The following ROBO2 variants were observed in gnomAD, a reference collection of about 807,000 sequenced individuals.
The protein encoded by ROBO2 is roundabout guidance receptor 2, also known as roundabout homolog 2.
A neutral mutation model predicts 160.8 loss-of-function variants in ROBO2; 53 were observed. That is an observed-to-expected ratio of 0.33 (90% confidence interval 0.26 to 0.41). The LOEUF (loss-of-function observed/expected upper bound fraction) is 0.41, where lower values mean the gene tolerates loss of function less well. ROBO2 is among the 10% of genes least tolerant of loss of function. The pLI, the probability that ROBO2 is intolerant of heterozygous loss-of-function variation, is 1.00. For synonymous variants in ROBO2, 664 were observed against 611.7 expected, an observed-to-expected ratio of 1.09 and a Z score of -1.26; for missense variants, 1,577 against 1,722.4, an observed-to-expected ratio of 0.92 and a Z score of 1.49.
chr3:76,567,619 T>TGA (rs2084611319), intron 2 of ROBO2, among the ~76,000 whole-genome samples: 1 of 27,750 alleles, frequency 3.6e-5, no homozygotes, highest in African/African-American at 9.1e-5. Context: ...ACCAAACTAC[T>TGA]GATATATATA....
At chr3:77,471,959 G>T (rs1360881451) in intron 2 of ROBO2, among the ~76,000 whole-genome samples, 1 of 152,128 alleles carries the variant, frequency 6.6e-6, no homozygotes, top group Non-Finnish European at 1.5e-5. Flanking sequence ...TCTGAGAAAG[G>T]AATTAATTGA....
intron 2 of ROBO2, among the ~76,000 whole-genome samples, chr3:76,175,235 T>C (rs2073188088): frequency 6.6e-6 from 1 of 152,036 alleles, no homozygotes; most frequent in South Asian, 2.1e-4. Flanking sequence ...TTGCTGAAGT[T>C]GTTTATCAGC....
chr3:77,273,036 T>C (rs1451855838), intron 2 of ROBO2, among the ~76,000 whole-genome samples: 1 of 152,176 alleles, frequency 6.6e-6, no homozygotes, highest in Non-Finnish European at 1.5e-5. Context: ...ACAATGAAGT[T>C]TGGGTATGAA....
intron 2 of ROBO2, among the ~76,000 whole-genome samples, chr3:76,915,092 A>T (rs1283071199): frequency 2.0e-5 from 3 of 152,040 alleles, no homozygotes; most frequent in Admixed American, 2.0e-4. Context: ...TCTTTATAAC[A>T]TTTTCATAAC....
At chr3:76,479,984 C>T (rs1252426836) in intron 2 of ROBO2, among the ~76,000 whole-genome samples, 1 of 151,316 alleles carries the variant, frequency 6.6e-6, no homozygotes, top group Non-Finnish European at 1.5e-5. Context: ...TGGACAGAGC[C>T]AAAATAAAGA....
chr3:77,369,255 C>T (rs2071397065), intron 2 of ROBO2, among the ~76,000 whole-genome samples: 1 of 152,114 alleles, frequency 6.6e-6, no homozygotes, highest in African/African-American at 2.4e-5. Context: ...AAGTGAGGTG[C>T]CTTGGGGGCA....
At chr3:76,783,037 G>C (rs1460588753) in intron 2 of ROBO2, among the ~76,000 whole-genome samples, 1 of 149,716 alleles carries the variant, frequency 6.7e-6, no homozygotes, top group East Asian at 2.0e-4. Flanking sequence ...TATCTTTTAT[G>C]TATCTAACAT....
intron 2 of ROBO2, among the ~76,000 whole-genome samples, chr3:77,154,174 C>T (rs1032213044): frequency 4.6e-5 from 7 of 152,116 alleles, no homozygotes; most frequent in East Asian, 1.9e-4. Flanking sequence ...TCCCCTAATG[C>T]ACTTCCACTT....
At chr3:76,511,860 C>T (rs1050294078) in intron 2 of ROBO2, among the ~76,000 whole-genome samples, 7 of 152,164 alleles carry the variant, frequency 4.6e-5, no homozygotes, top group African/African-American at 1.7e-4. Context: ...AAGTGGGTAT[C>T]ACAGGAGTTT....
In ROBO2 at chr3:77,006,380, G is replaced by T. The variant is rs149967230; in HGVS notation, c.110-91634G>T. On this transcript the variant is annotated intron_variant, in intron 2 of 26. Coordinates refer to the ROBO2 transcript ENST00000487694. ...TCTGATTTAGAAATCCCCTTGAAAA[G>T]TTCTGATGTACATGCAGGTTTAGGG... 1.4e-3 allele frequency among the ~76,000 whole-genome samples: 206 copies of T among 150,010 alleles called. 1 individual carries two copies. Among genetic ancestry groups the T allele is most frequent in the Middle Eastern group, 3.4e-3 (1 of 294 alleles).
chr3:76,325,166 T>C (rs575781465), intron 2 of ROBO2, among the ~76,000 whole-genome samples: 1 of 152,232 alleles, frequency 6.6e-6, no homozygotes, highest in Non-Finnish European at 1.5e-5. Flanking sequence ...TAAAATATTT[T>C]TAAATGCAAC....
intron 2 of ROBO2, among the ~76,000 whole-genome samples, chr3:77,241,550 T>C (rs575650230): frequency 6.6e-6 from 1 of 152,302 alleles, no homozygotes. Flanking sequence ...TTTCCACAGT[T>C]TTCCCATCTG....
chr3:76,227,640 A>C (rs1704369465), intron 2 of ROBO2, among the ~76,000 whole-genome samples: 1 of 152,286 alleles, frequency 6.6e-6, no homozygotes, highest in Admixed American at 6.5e-5. Context: ...AGTATTTTTA[A>C]GAAATCCACA....
At chr3:76,560,933 G>GAT (rs10581875) in intron 2 of ROBO2, among the ~76,000 whole-genome samples, 1,351 of 127,974 alleles carry the variant, frequency 0.011, 3 homozygotes, top group African/African-American at 0.02. Flanking sequence ...TAAGAAGTAA[G>GAT]ATATATATAT....
intron 22 of ROBO2, among the ~76,000 whole-genome samples, chr3:77,619,123 G>C (rs780293007): frequency 6.6e-6 from 1 of 152,182 alleles, no homozygotes; most frequent in Non-Finnish European, 1.5e-5. Flanking sequence ...GGACAGCCAA[G>C]GTTGGGACCA....
intron 2 of ROBO2, among the ~76,000 whole-genome samples, chr3:76,256,348 T>TCA (rs1253134287): frequency 6.0e-4 from 41 of 68,448 alleles, no homozygotes; most frequent in Non-Finnish European, 8.8e-4. Context: ...TCTCTCTCTC[T>TCA]CTCTCACATA....
chr3:77,199,024 G>C (rs151146031), intron 2 of ROBO2, among the ~76,000 whole-genome samples: 18 of 152,298 alleles, frequency 1.2e-4, no homozygotes, highest in African/African-American at 4.3e-4. Flanking sequence ...CCAGACTCAA[G>C]GGAGACAAGT....
chr3:77,172,707 G>T (rs1416247572), intron 2 of ROBO2, among the ~76,000 whole-genome samples: 4 of 152,130 alleles, frequency 2.6e-5, no homozygotes, highest in South Asian at 2.1e-4. Flanking sequence ...ACATATGGAG[G>T]TTATTTCTGG....
chr3:76,462,458 ATGT>A (rs2078137712), intron 2 of ROBO2, among the ~76,000 whole-genome samples: 1 of 152,214 alleles, frequency 6.6e-6, no homozygotes, highest in African/African-American at 2.4e-5. Flanking sequence ...TCACAAAATA[ATGT>A]TGTGCCATTA....
Sources: gnomAD v4.1 joint callset for allele counts (sites outside exome capture counted in the v4.1 genomes callset) on GRCh38, gnomAD v4.1.1 for gene constraint, MANE v1.5 for transcripts, NCBI Gene and HGNC (gene_info 2026-07-23, HGNC 2026-07-21) for gene names.